The following QTRT1 variants were observed in gnomAD, a reference collection of about 807,000 sequenced individuals.
The protein encoded by QTRT1 is TGT, 43-KD subunit.
In QTRT1, 41 loss-of-function variants were observed where a neutral mutation model predicts 44.0. The observed-to-expected ratio is 0.93, with a 90% CI of 0.73 to 1.21. QTRT1 has a LOEUF of 1.21. Ranked by LOEUF, QTRT1 falls within the 50% of genes most tolerant of loss-of-function variation. QTRT1 has a pLI of 0.00. For synonymous variants in QTRT1, 226 were observed against 237.1 expected (o/e 0.95, Z 0.43); for missense variants, 542 against 575.8 (o/e 0.94, Z 0.60).
At chr19:10,701,812 A>G in intron 1 of QTRT1, 109 bp downstream of exon 1, 3 of 1,574,960 alleles carry the variant, frequency 1.9e-6, no homozygotes, top group Non-Finnish European at 2.6e-6. Flanking sequence ...GACCAGCTGT[A>G]TTGAGCGCCC....
chr19:10,711,666 T>A (rs2068739508), intron 5 of QTRT1: 2 of 173,058 alleles, frequency 1.2e-5, no homozygotes, highest in South Asian at 2.4e-4. Context: ...TTCACCATGT[T>A]GGCCAGATTG....
intron 5 of QTRT1, among the ~76,000 whole-genome samples, chr19:10,710,010 CA>C (rs917164878): frequency 6.7e-6 from 1 of 149,256 alleles, no homozygotes; most frequent in Non-Finnish European, 1.5e-5. Flanking sequence ...GAATCTGTCT[CA>C]AAAAAAAAGA....
rs1411252127 is a variant in QTRT1, at chr19:10,702,017, C to T, written c.311C>T (p.Thr104Met). ...GFMNWPHNLL[T>M]DSGGFQMVSL... ...ATGAATTGGCCTCATAATCTGCTAACGGTGAGCTGAGGAGAGAGCCGACGT... is the reference window on the plus strand; with the variant it reads ...ATGAATTGGCCTCATAATCTGCTAATGGTGAGCTGAGGAGAGAGCCGACGT... The change falls in exon 2 of 10, where the codon ACG becomes ATG. Residue 104 changes from threonine (T) to methionine (M), a missense_variant and splice_region_variant. By Grantham distance (81) the Thr-to-Met change is moderately conservative. Transcript: ENST00000250237. 1.2e-5 allele frequency: 19 copies of T among 1,614,080 alleles called. No homozygotes were observed. Among genetic ancestry groups the T allele is most frequent in the Non-Finnish European group, 1.4e-5 (17 of 1,180,034 alleles).
intron 3 of QTRT1, among the ~76,000 whole-genome samples, chr19:10,704,737 G>A (rs573629010): frequency 1.3e-3 from 190 of 151,710 alleles, no homozygotes; most frequent in Non-Finnish European, 2.2e-3. Context: ...ACAGGCATGC[G>A]CCACCATGCC....
intron 5 of QTRT1, among the ~76,000 whole-genome samples, chr19:10,708,215 G>A (rs1025385126): frequency 4.6e-5 from 7 of 151,928 alleles, no homozygotes; most frequent in Admixed American, 1.3e-4. Flanking sequence ...TGCCTGCCTC[G>A]GCCTCCCAAA....
At chr19:10,701,765 C>T in intron 1 of QTRT1, 62 bp downstream of exon 1, 1 of 1,554,206 alleles carries the variant, frequency 6.4e-7, no homozygotes, top group Non-Finnish European at 8.7e-7. Flanking sequence ...AGCCATGGAG[C>T]GTCCTCCAGG....
intron 3 of QTRT1, among the ~76,000 whole-genome samples, chr19:10,704,328 TA>T (rs2068702789): frequency 6.6e-6 from 1 of 152,014 alleles, no homozygotes. Flanking sequence ...GAGTCTTGCT[TA>T]GTCTCCCAGG....
In QTRT1 at chr19:10,701,887, T is replaced by C. The variant is rs147066742; in HGVS notation, c.244-63T>C. The C allele has an allele frequency of 9.5e-3, 15,244 of 1,597,054 alleles. 99 individuals carry two copies. Among genetic ancestry groups the C allele is most frequent in the Middle Eastern group, 0.012 (71 of 5,966 alleles). ...GGGACTAAAGCTGGCCAGATCTGTC[T>C]CCCAAGAAGGGCCCCCAGGGACGCG... On this transcript the variant is annotated intron_variant, in intron 1 of 9. Transcript: ENST00000250237.
At position 10,701,956 on chromosome 19, in the gene QTRT1, G is replaced by T; in HGVS notation, c.250G>T (p.Glu84Ter). 6.2e-7 allele frequency: 1 copy of T among 1,614,176 alleles called. No individual in the cohort carries two copies. The highest frequency in any genetic ancestry group is 1.1e-5 in the South Asian group (1 of 91,078). ...TYHLGLRPGP[E>*]LIQKANGLHG... ...CTTTCTTCCATCAACCCAGGGACCCGAGCTGATCCAGAAAGCCAACGGTCT... is the reference window on the plus strand; with the variant it reads ...CTTTCTTCCATCAACCCAGGGACCCTAGCTGATCCAGAAAGCCAACGGTCT... The change falls in exon 2 of 10, where the codon GAG becomes TAG. Residue 84 changes from glutamate (E) to a stop codon, truncating the protein, a stop_gained. Coordinates refer to ENST00000250237, the MANE Select transcript of QTRT1 (RefSeq NM_031209.3). LOFTEE classifies it high-confidence loss of function.
intron 3 of QTRT1, among the ~76,000 whole-genome samples, chr19:10,705,306 T>C (rs1458835485): frequency 6.6e-6 from 1 of 152,068 alleles, no homozygotes; most frequent in Non-Finnish European, 1.5e-5. Context: ...TGGCACTGTG[T>C]TGGCTTACTG....
At chr19:10,710,270 A>T (rs974517524) in intron 5 of QTRT1, among the ~76,000 whole-genome samples, 1 of 152,104 alleles carries the variant, frequency 6.6e-6, no homozygotes, top group Non-Finnish European at 1.5e-5. Context: ...TAGATCTCTC[A>T]TTTTTTATCC....
At chr19:10,707,652 TCG>T (rs749535000) in intron 5 of QTRT1, 37 bp downstream of exon 5, 2 of 1,478,072 alleles carry the variant, frequency 1.4e-6, no homozygotes, top group Admixed American at 3.7e-5. Context: ...GGCTTGGCCA[TCG>T]CGGAGGTCCC....
Position 10,712,607 on chromosome 19 carries a change from C to A in QTRT1, c.840C>A (p.Cys280Ter). 1 of 1,611,342 alleles carries A rather than the reference C, an allele frequency of 6.2e-7. No homozygotes were observed. Among genetic ancestry groups the A allele is most frequent in the Non-Finnish European group, 8.5e-7 (1 of 1,179,638 alleles). ...CVALGCDMFD[C>*]VFPTRTARFG... ...CTCTTGGATGTGACATGTTCGACTG[C>A]GTCTTCCCCACACGGACAGCGGTGA... is the stretch of plus-strand genomic sequence containing the variant. The change falls in exon 7 of 10, where the codon TGC (cysteine) becomes TGA (stop). Residue 280 changes from cysteine (C) to a stop codon, truncating the protein, a stop_gained. Transcript: ENST00000250237. LOFTEE classifies it high-confidence loss of function. This position sits in a 1 kb window ranked among gnomAD's most constrained non-coding sequence, Gnocchi z 5.6.
chr19:10,712,783 C>A lies in QTRT1; in HGVS notation c.887C>A (p.Thr296Asn). Reference protein sequence around the residue: ...TARFGSALVPTGNLQLRKKVF... With the variant: ...TARFGSALVPNGNLQLRKKVF... The stretch of plus-strand genomic sequence containing the variant: ...CGCTTTGGCTCTGCCCTGGTGCCCA[C>A]TGGGAACCTGCAGTTGAGGAAGAAG... Residue 296 changes from threonine to asparagine, a missense_variant, in exon 8 of 10, where the codon ACT becomes AAT. Physicochemically the swap from Thr to Asn is moderately conservative, Grantham distance 65. Coordinates refer to ENST00000250237, the MANE Select transcript of QTRT1 (RefSeq NM_031209.3). This position sits in a 1 kb window ranked among gnomAD's most constrained non-coding sequence, Gnocchi z 5.6. 1 of 1,614,028 alleles carries A rather than the reference C, an allele frequency of 6.2e-7. No homozygotes were observed. Among genetic ancestry groups the A allele is most frequent in the Non-Finnish European group, 8.5e-7 (1 of 1,179,966 alleles).
At position 10,712,031 on chromosome 19, in the gene QTRT1, C is replaced by A; in HGVS notation, c.647-130C>A. ...TCTCCCTCTCCGTCTCTGGCTCTGTCTGTCTGTCTCTGTCTGTTTCTCTGA... is the reference window on the plus strand; with the variant it reads ...TCTCCCTCTCCGTCTCTGGCTCTGTATGTCTGTCTCTGTCTGTTTCTCTGA... On this transcript the variant is annotated intron_variant, in intron 5 of 9. Transcript: ENST00000250237. The surrounding 1 kb of genome is among the most constrained non-coding windows in gnomAD (Gnocchi z 5.6). 8.7e-7 allele frequency: 1 copy of A among 1,154,320 alleles called. No homozygotes were observed. Among genetic ancestry groups the A allele is most frequent in the Non-Finnish European group, 1.3e-6 (1 of 787,390 alleles). The allele number at this position is 1,154,320 out of a possible 1,614,324, so 71.5% of individuals were successfully genotyped here. A position where few individuals can be genotyped will look rare whatever the true frequency, so the allele number is the denominator to read the frequency against.
At chr19:10,706,429 GT>G (rs2145620837) in intron 3 of QTRT1, among the ~76,000 whole-genome samples, 1 of 152,262 alleles carries the variant, frequency 6.6e-6, no homozygotes, top group African/African-American at 2.4e-5. Flanking sequence ...CTGGAGTACA[GT>G]GGTGCAATCT....
chr19:10,704,860 T>C (rs923353290), intron 3 of QTRT1, among the ~76,000 whole-genome samples: 4 of 151,644 alleles, frequency 2.6e-5, no homozygotes, highest in African/African-American at 9.7e-5. Context: ...GTGCTGGCAT[T>C]ACAGGTGTGA....
At position 10,712,907 on chromosome 19, in the gene QTRT1, G is replaced by A. The variant is rs1172475885; in HGVS notation, c.971+40G>A. 2.5e-6 allele frequency: 4 copies of A among 1,612,698 alleles called. No individual in the cohort carries two copies. Among genetic ancestry groups the A allele is most frequent in the Non-Finnish European group, 3.4e-6 (4 of 1,179,318 alleles). Reference sequence around the variant, plus strand: ...ACTGGGAGCTGGGGCAGGGCATGGAGGGGACAGGGCCTGGCCGTGCTGAGC... The same window carrying A: ...ACTGGGAGCTGGGGCAGGGCATGGAAGGGACAGGGCCTGGCCGTGCTGAGC... On this transcript the variant is annotated intron_variant, in intron 8 of 9. Coordinates refer to ENST00000250237, the MANE Select transcript of QTRT1 (RefSeq NM_031209.3). The surrounding 1 kb of genome is among the most constrained non-coding windows in gnomAD (Gnocchi z 5.6).
chr19:10,705,492 G>A (rs138995968), intron 3 of QTRT1, among the ~76,000 whole-genome samples: 2,054 of 152,154 alleles, frequency 0.013, 23 homozygotes, highest in Middle Eastern at 0.02. Flanking sequence ...ACCCGTCTCG[G>A]CCTCCCAAAG....
Sources: gnomAD v4.1 joint callset for allele counts (sites outside exome capture counted in the v4.1 genomes callset) on GRCh38, gnomAD v4.1.1 for gene constraint, Gnocchi (gnomAD v3.1) non-coding constraint, MANE v1.5 for transcripts, NCBI Gene and HGNC (gene_info 2026-07-23, HGNC 2026-07-21) for gene names.